Variants in SEMA3F observed in about 807,000 individuals in gnomAD.
The protein encoded by SEMA3F is semaphorin 3F.
A neutral mutation model predicts 98.5 loss-of-function variants in SEMA3F; 30 were observed. The observed-to-expected ratio is 0.30, with a 90% confidence interval of 0.23 to 0.41. The LOEUF is 0.41. SEMA3F is among the 10% of genes least tolerant of loss of function. The pLI, the probability that SEMA3F is intolerant of heterozygous loss-of-function variation, is 1.00. For missense variants in SEMA3F, 866 were observed against 1,119.3 expected (o/e 0.77, Z 3.23); for synonymous variants, 380 against 444.8 (o/e 0.85, Z 1.83).
At chr3:50,167,978 G>T (rs899409115) in intron 2 of SEMA3F, among the ~76,000 whole-genome samples, 1 of 152,192 alleles carries the variant, frequency 6.6e-6, no homozygotes, top group Non-Finnish European at 1.5e-5. Flanking sequence ...AATCAGAGCG[G>T]TTATTGAATA....
In SEMA3F at chr3:50,183,557, C is replaced by T. The variant is rs1699098081; in HGVS notation, c.1226C>T (p.Pro409Leu). The change falls in exon 12 of 19, where the codon CCG becomes CTG. Residue 409 changes from proline to leucine, a missense_variant. Transcript: ENST00000002829. ...PFSGKMPYPR[P>L]GTCPGGTFTP... ...TCAGGGAAGATGCCCTACCCACGGC[C>T]GGGCACGGTAAGGACCCCACTCATC... The T allele has an allele frequency of 2.5e-6, 4 of 1,613,898 alleles. No homozygotes were observed. The highest frequency in any genetic ancestry group is 3.4e-6 in the Non-Finnish European group (4 of 1,179,958).
chr3:50,159,413 G>C (rs772963160), intron 1 of SEMA3F, 162 bp from the exon 2 acceptor site: 79 of 524,652 alleles, frequency 1.5e-4, no homozygotes, highest in Non-Finnish European at 1.4e-4. Context: ...CCCAGACAAA[G>C]GCAGGCCAAA....
chr3:50,186,698 C>T lies in SEMA3F; in HGVS notation c.1899C>T (p.Ala633=). Reference sequence around the variant, plus strand: ...AGTGCCAGCCCCGCTCGCCCCAAGCCACTGTTAAGTGGCTGTTCCAGCGAG... The same window carrying T: ...AGTGCCAGCCCCGCTCGCCCCAAGCTACTGTTAAGTGGCTGTTCCAGCGAG... ...FLECQPRSPQ[A]TVKWLFQRDP... is the part of the protein sequence containing the mutation. Residue 633 remains alanine, a synonymous_variant, in exon 18 of 19, where the codon GCC becomes GCT. Transcript: ENST00000002829. 1 of 1,610,304 alleles carries T rather than the reference C, an allele frequency of 6.2e-7. No homozygotes were observed. Among genetic ancestry groups the T allele is most frequent in the Non-Finnish European group, 8.5e-7 (1 of 1,176,924 alleles).
intron 18 of SEMA3F, 92 bp from the exon 19 acceptor site, chr3:50,187,613 C>T (rs910666600): frequency 2.5e-5 from 28 of 1,125,574 alleles, no homozygotes; most frequent in South Asian, 5.3e-5. Flanking sequence ...TGCCTCTACA[C>T]GGAATGGCCA....
intron 12 of SEMA3F, 109 bp from the exon 13 acceptor site, chr3:50,184,483 G>A (rs1575407910): frequency 2.7e-6 from 2 of 747,146 alleles, no homozygotes; most frequent in South Asian, 1.7e-5. Flanking sequence ...GGGGAGAGGA[G>A]CAGGTTGAGG....
intron 2 of SEMA3F, among the ~76,000 whole-genome samples, chr3:50,172,399 G>A (rs1251185746): frequency 4.6e-5 from 7 of 152,026 alleles, no homozygotes; most frequent in Non-Finnish European, 8.8e-5. Flanking sequence ...GGGACCCCTC[G>A]GCTCTCCCTC....
At chr3:50,164,330 G>A (rs544734087) in intron 2 of SEMA3F, among the ~76,000 whole-genome samples, 3 of 152,302 alleles carry the variant, frequency 2.0e-5, no homozygotes, top group South Asian at 2.1e-4. Context: ...CCACTGCTTC[G>A]TAATCGTAAA....
chr3:50,162,388 C>T (rs1698239568), intron 2 of SEMA3F, among the ~76,000 whole-genome samples: 1 of 152,200 alleles, frequency 6.6e-6, no homozygotes, highest in South Asian at 2.1e-4. Flanking sequence ...TTCTGGGCTT[C>T]AGCAGCACAG....
Position 50,176,701 on chromosome 3 carries a change from G to C in SEMA3F, c.550-67G>C, listed in dbSNP as rs568786689. On this transcript the variant is annotated intron_variant, in intron 6 of 18. Transcript: ENST00000002829. ...GGGCTCATTCTCACCCTGGGAGCCTGGTGACCCTTACACTTCCTGGCTGGG... is the reference window on the plus strand; with the variant it reads ...GGGCTCATTCTCACCCTGGGAGCCTCGTGACCCTTACACTTCCTGGCTGGG... The C allele has an allele frequency of 1.9e-4, 216 of 1,163,458 alleles. 2 individuals are homozygous for C. In the South Asian group the frequency reaches 2.5e-3, roughly 13 times the overall value. 72.1% of individuals were successfully genotyped at this position (1,163,458 alleles called of 1,614,324 possible). A position where few individuals can be genotyped will look rare whatever the true frequency, so the allele number is the denominator to read the frequency against.
intron 10 of SEMA3F, 55 bp from the exon 11 acceptor site, chr3:50,183,131 G>A: frequency 2.5e-6 from 4 of 1,591,094 alleles, no homozygotes; most frequent in Non-Finnish European, 3.4e-6. Context: ...GAGTGGGTGG[G>A]GCCCAGGGGC....
Position 50,186,595 on chromosome 3 carries a change from AC to A in SEMA3F, c.1814-14del. The stretch of plus-strand genomic sequence containing the variant: ...CCGGAGGTGATGCTGCTTTTGCTCA[AC>A]CCCTCTCACTCTAAAGCCAACAAGA... On this transcript the variant is annotated splice_polypyrimidine_tract_variant and intron_variant, in intron 17 of 18. Transcript: ENST00000002829. 6.3e-7 allele frequency: 1 copy of A among 1,579,194 alleles called. No homozygotes were observed. The highest frequency in any genetic ancestry group is 8.7e-7 in the Non-Finnish European group (1 of 1,155,170).
intron 7 of SEMA3F, among the ~76,000 whole-genome samples, chr3:50,180,707 A>G (rs887000108): frequency 4.6e-5 from 7 of 152,236 alleles, no homozygotes; most frequent in Non-Finnish European, 8.8e-5. Context: ...AAATAATTGC[A>G]ATAGTAACAT....
At chr3:50,185,418 T>G in intron 13 of SEMA3F, 25 bp from the exon 14 acceptor site, 1 of 1,354,588 alleles carries the variant, frequency 7.4e-7, no homozygotes, top group African/African-American at 1.5e-5. Flanking sequence ...CCAGCCCCAC[T>G]GAGGCCCTGC....
chr3:50,187,406 G>C (rs1485309776), intron 18 of SEMA3F, among the ~76,000 whole-genome samples: 1 of 133,588 alleles, frequency 7.5e-6, no homozygotes, highest in Non-Finnish European at 1.5e-5. Flanking sequence ...CTAGGCGACA[G>C]AGCCAGACCT....
Position 50,186,664 on chromosome 3 carries a change from C to A in SEMA3F, c.1865C>A (p.Ala622Asp). Reference protein sequence around the residue: ...SVQYGVAGSAAFLECQPRSPQ... With the variant: ...SVQYGVAGSADFLECQPRSPQ... ...CAGTATGGCGTGGCCGGCAGCGCAG[C>A]CTTCCTTGAGTGCCAGCCCCGCTCG... is the stretch of plus-strand genomic sequence containing the variant. The change falls in exon 18 of 19, where the codon GCC (alanine) becomes GAC (aspartate). Residue 622 changes from alanine (A) to aspartate (D), a missense_variant. This residue lies in a region of SEMA3F where 245 missense variants were observed against 260.5 expected (regional missense o/e 0.94). Coordinates refer to ENST00000002829, the MANE Select transcript of SEMA3F (RefSeq NM_004186.5). 2 of 1,609,506 alleles carry A rather than the reference C, an allele frequency of 1.2e-6. No individual in the cohort carries two copies. Among genetic ancestry groups the A allele is most frequent in the Non-Finnish European group, 1.7e-6 (2 of 1,176,234 alleles).
intron 2 of SEMA3F, among the ~76,000 whole-genome samples, chr3:50,170,583 G>T (rs1369811160): frequency 6.6e-6 from 1 of 152,116 alleles, no homozygotes; most frequent in Non-Finnish European, 1.5e-5. Flanking sequence ...GCCTCTCTCT[G>T]AGATCAGAAC....
chr3:50,167,365 G>A (rs1475656248), intron 2 of SEMA3F, among the ~76,000 whole-genome samples: 7 of 152,208 alleles, frequency 4.6e-5, no homozygotes, highest in African/African-American at 1.4e-4. Flanking sequence ...GGTGTCCTTC[G>A]GGGATGAGGC....
Position 50,173,901 on chromosome 3 carries a change from A to G in SEMA3F, c.221A>G (p.Lys74Arg). The G allele has an allele frequency of 6.2e-7, 1 of 1,614,166 alleles. No individual in the cohort carries two copies. Among genetic ancestry groups the G allele is most frequent in the Non-Finnish European group, 8.5e-7 (1 of 1,180,018 alleles). The change falls in exon 3 of 19, where the codon AAG (lysine) becomes AGG (arginine). Residue 74 changes from lysine (K) to arginine (R), a missense_variant. Coordinates refer to ENST00000002829, the MANE Select transcript of SEMA3F (RefSeq NM_004186.5). ...CACGACCGCATGTACGTGGGCAGCAAGGACTACGTGCTGTCCCTGGACCTG... is the reference window on the plus strand; with the variant it reads ...CACGACCGCATGTACGTGGGCAGCAGGGACTACGTGCTGTCCCTGGACCTG... ...EDHDRMYVGS[K>R]DYVLSLDLHD...
In SEMA3F at chr3:50,174,106, G is replaced by A. The variant is rs760150530; in HGVS notation, c.328G>A (p.Asp110Asn). 2.5e-6 allele frequency: 4 copies of A among 1,614,154 alleles called. No individual in the cohort carries two copies. Among genetic ancestry groups the A allele is most frequent in the Admixed American group, 3.3e-5 (2 of 60,030 alleles). Residue 110 changes from aspartate to asparagine, a missense_variant, in exon 4 of 19, where the codon GAT becomes AAT. Physicochemically the swap from Asp to Asn is conservative, Grantham distance 23. Transcript: ENST00000002829. Reference protein sequence around the residue: ...RIEECVLSGKDVNGECGNFVR... With the variant: ...RIEECVLSGKNVNGECGNFVR... ...CGAGGAATGCGTGCTCTCAGGCAAG[G>A]ATGTCAACGTGAGTTTGGTGGGATC...
Sources: allele counts gnomAD v4.1 joint callset (sites outside exome capture counted in the v4.1 genomes callset), GRCh38; gene constraint gnomAD v4.1.1; regional missense constraint gnomAD v4.1.1; transcripts MANE v1.5; gene names NCBI Gene and HGNC (gene_info 2026-07-23, HGNC 2026-07-21).